Variants in MAPKAPK2 observed in about 807,000 individuals in gnomAD.
MAPKAPK2 encodes MAPK activated protein kinase 2.
In MAPKAPK2, 9 loss-of-function variants were observed where a neutral mutation model predicts 48.8. The ratio of observed to expected loss-of-function variants is 0.18; its 90% CI spans 0.11 to 0.32. The LOEUF (loss-of-function observed/expected upper bound fraction) is 0.32. MAPKAPK2 is among the 10% of genes least tolerant of loss of function. The pLI is 1.00. For missense variants in MAPKAPK2, 331 were observed against 498.3 expected, an observed-to-expected ratio of 0.66 and a Z score of 3.20; for synonymous variants, 202 against 190.6, an observed-to-expected ratio of 1.06 and a Z score of -0.49.
intron 1 of MAPKAPK2, among the ~76,000 whole-genome samples, chr1:206,726,201 A>G (rs1200156941): frequency 6.6e-6 from 1 of 152,236 alleles, no homozygotes; most frequent in Non-Finnish European, 1.5e-5. Context: ...CCTGGCCAAC[A>G]TGGCGAAACC....
At chr1:206,728,921 A>G in intron 2 of MAPKAPK2, 72 bp downstream of exon 2, 1 of 1,612,272 alleles carries the variant, frequency 6.2e-7, no homozygotes, top group Non-Finnish European at 8.5e-7. Flanking sequence ...CCCTCTGAGG[A>G]CAGCCCAGGG....
At chr1:206,706,353 T>A (rs1031642805) in intron 1 of MAPKAPK2, among the ~76,000 whole-genome samples, 10 of 151,952 alleles carry the variant, frequency 6.6e-5, no homozygotes, top group African/African-American at 9.7e-5. Context: ...GTCCCTCTGA[T>A]CATTGCCTCT....
Position 206,732,784 on chromosome 1 carries a change from C to G in MAPKAPK2, c.*66C>G. ...TCTCTACAGGAATATATTTTTTAAA[C>G]GAAGAGACAGAACTGTCCACATCTG... On this transcript the variant is annotated 3_prime_UTR_variant, in exon 10 of 10. Coordinates refer to ENST00000367103, the MANE Select transcript of MAPKAPK2 (RefSeq NM_032960.4). This position sits in a 1 kb window ranked among gnomAD's most constrained non-coding sequence, Gnocchi z 4.4. 1 of 1,570,890 alleles carries G rather than the reference C, an allele frequency of 6.4e-7. No homozygotes were observed. Among genetic ancestry groups the G allele is most frequent in the South Asian group, 1.1e-5 (1 of 87,486 alleles).
At chr1:206,692,842 A>T (rs1280284510) in intron 1 of MAPKAPK2, among the ~76,000 whole-genome samples, 1 of 152,204 alleles carries the variant, frequency 6.6e-6, no homozygotes, top group Non-Finnish European at 1.5e-5. Flanking sequence ...AGAGGTGAAG[A>T]GTGGTGGCCA....
At chr1:206,728,588 G>T (rs371156236) in intron 1 of MAPKAPK2, 122 bp from the exon 2 acceptor site, 3 of 1,105,984 alleles carry the variant, frequency 2.7e-6, no homozygotes, top group East Asian at 2.6e-5. Flanking sequence ...GGGCTGGTGG[G>T]GGGGGCCAGC....
chr1:206,722,428 A>G (rs1553431338), intron 1 of MAPKAPK2, among the ~76,000 whole-genome samples: 1 of 152,222 alleles, frequency 6.6e-6, no homozygotes, highest in African/African-American at 2.4e-5. Context: ...TAGAACTACT[A>G]TTAAATAATA....
chr1:206,730,790 T>TGGGGGGGGGGGGGGGGGGGGGGG, intron 6 of MAPKAPK2, 27 bp downstream of exon 6: 1 of 657,986 alleles, frequency 1.5e-6, no homozygotes. Flanking sequence ...GGGGGCTGGG[T>TGGGGGGGGGGGGGGGGGGGGGGG]GGGGCAGGGA....
chr1:206,729,115 T>G lies in MAPKAPK2; in HGVS notation c.484+16T>G. 6.2e-7 allele frequency: 1 copy of G among 1,613,892 alleles called. No homozygotes were observed. The stretch of plus-strand genomic sequence containing the variant: ...ACAGAAAGAGGTAGAAAGGGTCTGT[T>G]GTGGGAGCACGTGCAGGCAGGCAGG... On this transcript the variant is annotated intron_variant, in intron 3 of 9. Coordinates refer to ENST00000367103, the MANE Select transcript of MAPKAPK2 (RefSeq NM_032960.4).
At position 206,725,571 on chromosome 1, in the gene MAPKAPK2, G is replaced by A. The variant is rs144360103; in HGVS notation, c.280-3139G>A. Among the ~76,000 whole-genome samples the A allele has an allele frequency of 3.8e-3, 586 of 152,222 alleles. 2 individuals carry two copies. Among genetic ancestry groups the A allele is most frequent in the Middle Eastern group, 0.01 (3 of 294 alleles). On this transcript the variant is annotated intron_variant, in intron 1 of 9. Transcript: ENST00000367103. ...AGGGGGAGGCTAGGCAGGTATCATCGCTCCTAAATGCATGTGGCACAGGCT... is the reference window on the plus strand; with the variant it reads ...AGGGGGAGGCTAGGCAGGTATCATCACTCCTAAATGCATGTGGCACAGGCT...
intron 1 of MAPKAPK2, among the ~76,000 whole-genome samples, chr1:206,717,204 T>G (rs1481428701): frequency 1.3e-5 from 2 of 152,246 alleles, no homozygotes; most frequent in African/African-American, 4.8e-5. Context: ...ACTAGCCATG[T>G]GGCCTTGGGC....
intron 1 of MAPKAPK2, among the ~76,000 whole-genome samples, chr1:206,697,937 T>C (rs1672680923): frequency 6.6e-6 from 1 of 152,232 alleles, no homozygotes; most frequent in Admixed American, 6.5e-5. Flanking sequence ...TCATTGTAAA[T>C]CAACAGGACT....
At position 206,728,605 on chromosome 1, in the gene MAPKAPK2, G is replaced by A. The variant is rs148084831; in HGVS notation, c.280-105G>A. ...GCTGGTGGGGGGGGCCAGCAGGAGT[G>A]GGGGGTTTGTGGTATGTCGGTGGCG... On this transcript the variant is annotated intron_variant, in intron 1 of 9. Coordinates refer to ENST00000367103, the MANE Select transcript of MAPKAPK2 (RefSeq NM_032960.4). 61 of 1,340,300 alleles carry A rather than the reference G, an allele frequency of 4.6e-5. No homozygotes were observed. The African/African-American group carries it at 7.6e-4, about 17-fold the overall frequency. 83.0% of individuals were successfully genotyped at this position (1,340,300 alleles called of 1,614,324 possible).
At position 206,731,760 on chromosome 1, in the gene MAPKAPK2, C is replaced by T. The variant is rs376484035; in HGVS notation, c.978+35C>T. On this transcript the variant is annotated intron_variant, in intron 8 of 9. Coordinates refer to ENST00000367103, the MANE Select transcript of MAPKAPK2 (RefSeq NM_032960.4). This position sits in a 1 kb window ranked among gnomAD's most constrained non-coding sequence, Gnocchi z 5.9. ...GCAGGCTGGGGAGCCTTGGGTCTCA[C>T]GGGACTATTCCACAGGACAGAGTCT... The T allele has an allele frequency of 1.1e-4, 175 of 1,611,320 alleles. No individual in the cohort carries two copies. The African/African-American group carries it at 1.8e-3, about 16-fold the overall frequency.
At chr1:206,714,445 T>A (rs1171012115) in intron 1 of MAPKAPK2, among the ~76,000 whole-genome samples, 2 of 152,036 alleles carry the variant, frequency 1.3e-5, no homozygotes, top group African/African-American at 4.8e-5. Context: ...GAGTTTATCC[T>A]ATTTGTCCCC....
intron 1 of MAPKAPK2, among the ~76,000 whole-genome samples, chr1:206,723,063 G>T (rs1248789825): frequency 1.3e-5 from 2 of 152,196 alleles, no homozygotes; most frequent in Admixed American, 1.3e-4. Context: ...CTTTTGCATC[G>T]CTCTTGGCGC....
intron 1 of MAPKAPK2, chr1:206,696,398 C>T (rs782380268): frequency 1.2e-4 from 73 of 609,936 alleles, no homozygotes; most frequent in Non-Finnish European, 1.6e-4. Context: ...ATGTAGTGAC[C>T]GTATGTCCTC....
chr1:206,694,079 T>C (rs1672539300), intron 1 of MAPKAPK2, among the ~76,000 whole-genome samples: 1 of 152,246 alleles, frequency 6.6e-6, no homozygotes, highest in African/African-American at 2.4e-5. Context: ...AATATTTGCT[T>C]AGCTGATAGA....
At chr1:206,691,620 C>T (rs1672462308) in intron 1 of MAPKAPK2, among the ~76,000 whole-genome samples, 1 of 151,616 alleles carries the variant, frequency 6.6e-6, no homozygotes, top group South Asian at 2.1e-4. Context: ...TGTTTGTATG[C>T]TGCTAACAAG....
rs114343348 is a variant in MAPKAPK2 at position 206,692,947 on chromosome 1, G to T, written c.279+7439G>T. On this transcript the variant is annotated intron_variant, in intron 1 of 9. Coordinates refer to ENST00000367103, the MANE Select transcript of MAPKAPK2 (RefSeq NM_032960.4). ...CTGTACTGTTGATGCCTTCTCTCTGGCTCATCTCCATGAAGATTCTTTTGA... is the reference window on the plus strand; with the variant it reads ...CTGTACTGTTGATGCCTTCTCTCTGTCTCATCTCCATGAAGATTCTTTTGA... Among the ~76,000 whole-genome samples, 1,083 of 152,224 alleles carry T rather than the reference G, an allele frequency of 7.1e-3. 7 individuals carry two copies. Among genetic ancestry groups the T allele is most frequent in the Middle Eastern group, 0.044 (13 of 294 alleles).
Sources: allele counts gnomAD v4.1 joint callset (sites outside exome capture counted in the v4.1 genomes callset), GRCh38; gene constraint gnomAD v4.1.1; non-coding constraint Gnocchi (gnomAD v3.1); transcripts MANE v1.5; gene names NCBI Gene and HGNC (gene_info 2026-07-23, HGNC 2026-07-21).